The following SVOPL variants were observed in gnomAD, a reference collection of about 807,000 sequenced individuals.
SVOPL encodes the protein SVOP like.
Under a neutral mutation model 61.0 loss-of-function variants are expected in SVOPL, and 60 were observed. That is an observed-to-expected ratio of 0.98 (90% CI 0.80 to 1.22). The LOEUF (loss-of-function observed/expected upper bound fraction) is 1.22. Ranked by LOEUF, SVOPL falls within the 50% of genes most tolerant of loss-of-function variation. The pLI, the probability that SVOPL is intolerant of heterozygous loss-of-function variation, is 0.00. For missense variants in SVOPL, 662 were observed against 643.9 expected (o/e 1.03, Z -0.30); for synonymous variants, 279 against 250.0 (o/e 1.12, Z -1.09).
At chr7:138,690,462 A>AAT (rs1802915909) in intron 1 of SVOPL, among the ~76,000 whole-genome samples, 1 of 152,250 alleles carries the variant, frequency 6.6e-6, no homozygotes, top group African/African-American at 2.4e-5. Context: ...ATCATTCAGC[A>AAT]ATAAGAAGGA....
At chr7:138,599,155 A>C (rs1441397549) in intron 14 of SVOPL, among the ~76,000 whole-genome samples, 1 of 70,392 alleles carries the variant, frequency 1.4e-5, no homozygotes, top group East Asian at 2.3e-4. Flanking sequence ...AAAAAAAAAA[A>C]AACCAAAAAA....
intron 1 of SVOPL, among the ~76,000 whole-genome samples, chr7:138,699,252 T>C (rs1281721390): frequency 6.6e-6 from 1 of 152,006 alleles, no homozygotes; most frequent in Non-Finnish European, 1.5e-5. Context: ...TACAGTGAGC[T>C]GAGATTGTGC....
chr7:138,681,330 T>C (rs982950130), intron 1 of SVOPL, among the ~76,000 whole-genome samples: 7 of 148,360 alleles, frequency 4.7e-5, no homozygotes, highest in Non-Finnish European at 8.9e-5. Context: ...TAACATATAA[T>C]ATTAACAAAT....
At chr7:138,596,632 C>G in intron 14 of SVOPL, 102 bp from the exon 15 acceptor site, 1 of 1,468,328 alleles carries the variant, frequency 6.8e-7, no homozygotes, top group Non-Finnish European at 9.1e-7. Context: ...CTAAGATGGT[C>G]CTTTGCAGCC....
intron 14 of SVOPL, among the ~76,000 whole-genome samples, chr7:138,617,610 A>G (rs1211447717): frequency 2.0e-5 from 3 of 152,138 alleles, no homozygotes; most frequent in African/African-American, 7.2e-5. Flanking sequence ...GCACTTTGAA[A>G]GGCCAAGGTA....
chr7:138,680,700 T>C (rs1802682201), intron 1 of SVOPL, among the ~76,000 whole-genome samples: 5 of 152,116 alleles, frequency 3.3e-5, no homozygotes, highest in Admixed American at 2.6e-4. Flanking sequence ...TGCCTCAGCC[T>C]CCTGAGTAGC....
At chr7:138,638,244 G>A (rs142918851) in intron 9 of SVOPL, among the ~76,000 whole-genome samples, 2 of 135,302 alleles carry the variant, frequency 1.5e-5, no homozygotes, top group African/African-American at 5.8e-5. Context: ...CTGTACTCTA[G>A]CCTGGGCAGC....
intron 14 of SVOPL, among the ~76,000 whole-genome samples, chr7:138,616,004 TAA>T (rs902403678): frequency 2.3e-5 from 3 of 133,312 alleles, no homozygotes; most frequent in Non-Finnish European, 3.2e-5. Context: ...AAAATAAAAA[TAA>T]AAGAGACCAG....
intron 14 of SVOPL, among the ~76,000 whole-genome samples, chr7:138,607,327 G>C (rs144108733): frequency 9.2e-5 from 14 of 152,238 alleles, no homozygotes; most frequent in Non-Finnish European, 1.9e-4. Context: ...AATGGAGAGT[G>C]AAATAAGAAA....
intron 1 of SVOPL, among the ~76,000 whole-genome samples, chr7:138,682,946 C>T (rs1385119517): frequency 1.7e-5 from 2 of 116,476 alleles, no homozygotes; most frequent in Non-Finnish European, 1.6e-5. Flanking sequence ...CCAGCCTGGG[C>T]GACAAGAGCA....
chr7:138,641,815 TA>T (rs1225120867), intron 9 of SVOPL, among the ~76,000 whole-genome samples: 266 of 4,604 alleles, frequency 0.058, 1 homozygote, highest in African/African-American at 0.11. Flanking sequence ...ATATATATGT[TA>T]TATATATATA....
intron 14 of SVOPL, among the ~76,000 whole-genome samples, chr7:138,615,889 C>CT (rs1450745654): frequency 6.6e-6 from 1 of 152,138 alleles, no homozygotes; most frequent in Non-Finnish European, 1.5e-5. Context: ...AGAAAAAACT[C>CT]TTTCCCCTCT....
chr7:138,630,165 G>A, intron 9 of SVOPL, 43 bp from the exon 10 acceptor site: 1 of 1,482,630 alleles, frequency 6.7e-7, no homozygotes, highest in Admixed American at 1.7e-5. Context: ...AGCAGCTTAA[G>A]GATGAACGGA....
chr7:138,661,960 T>A, intron 5 of SVOPL: 1 of 985,440 alleles, frequency 1.0e-6, no homozygotes, highest in Non-Finnish European at 1.2e-6. Flanking sequence ...ACCAATAGGC[T>A]CCTCTTGAAC....
intron 13 of SVOPL, among the ~76,000 whole-genome samples, chr7:138,622,034 CTATG>C (rs1563095999): frequency 8.3e-5 from 4 of 48,106 alleles, no homozygotes; most frequent in Admixed American, 3.0e-4. Context: ...ATCTATCTAT[CTATG>C]TATCTATCTA....
chr7:138,621,974 GTATCTATCTATCTATGTATC>G (rs1799615868), intron 13 of SVOPL, among the ~76,000 whole-genome samples: 2 of 7,412 alleles, frequency 2.7e-4, no homozygotes, highest in Non-Finnish European at 6.0e-4. Context: ...ATCTATCTAT[GTATCTATCTATCTATGTATC>G]TATCTATCTA....
At chr7:138,673,948 G>A (rs1483858840) in intron 3 of SVOPL, among the ~76,000 whole-genome samples, 1 of 152,106 alleles carries the variant, frequency 6.6e-6, no homozygotes, top group Non-Finnish European at 1.5e-5. Flanking sequence ...ACTTTGGGAG[G>A]CTGAGGCGGG....
At chr7:138,623,798 C>A (rs1022597309) in intron 13 of SVOPL, among the ~76,000 whole-genome samples, 1 of 152,008 alleles carries the variant, frequency 6.6e-6, no homozygotes. Flanking sequence ...ATTTTCTTAA[C>A]TATGCAAAAT....
chr7:138,664,991 A>C (rs1161229336), intron 4 of SVOPL, among the ~76,000 whole-genome samples: 1 of 3,604 alleles, frequency 2.8e-4, no homozygotes, highest in African/African-American at 1.5e-3. Context: ...CTTTCCCCTG[A>C]CCCCCGACAC....
Sources: gnomAD v4.1 joint callset for allele counts (sites outside exome capture counted in the v4.1 genomes callset) on GRCh38, gnomAD v4.1.1 for gene constraint, MANE v1.5 for transcripts, NCBI Gene and HGNC (gene_info 2026-07-23, HGNC 2026-07-21) for gene names.